Variants in CA8 observed in about 807,000 individuals in gnomAD.
The protein encoded by CA8 is carbonic anhydrase-related protein.
CA8 carries 22 observed loss-of-function variants against 41.4 expected under a neutral mutation model. That is an observed-to-expected ratio of 0.53 (90% CI 0.38 to 0.76). The LOEUF (loss-of-function observed/expected upper bound fraction) is 0.76. CA8 is among the 30% of genes least tolerant of loss of function. The pLI is 0.00. For synonymous variants in CA8, 121 were observed against 130.6 expected, an observed-to-expected ratio of 0.93 and a Z score of 0.50; for missense variants, 270 against 352.8, an observed-to-expected ratio of 0.77 and a Z score of 1.88.
Position 60,189,360 on chromosome 8 carries a change from CCATA to C in CA8, c.*657_*660del, listed in dbSNP as rs1011645247. The C allele has an allele frequency of 2.6e-5, 4 of 152,196 alleles. No individual in the cohort carries two copies. The highest frequency in any genetic ancestry group is 9.6e-5 in the African/African-American group (4 of 41,544). 9.4% of individuals were successfully genotyped at this position (152,196 alleles called of 1,614,324 possible). A position where few individuals can be genotyped will look rare whatever the true frequency, so the allele number is the denominator to read the frequency against. ...AATATGTCAAATAAATAAATTTGAT[CCATA>C]CATTCAGTTAAATCCTTCAACTATG... On this transcript the variant is annotated 3_prime_UTR_variant, in exon 9 of 9. Transcript: ENST00000317995.
rs374820726 is a variant in CA8 at position 60,234,757 on chromosome 8, C to T, written c.418-2378G>A. On this transcript the variant is annotated intron_variant, in intron 3 of 8. Coordinates refer to ENST00000317995, the MANE Select transcript of CA8 (RefSeq NM_004056.6). ...AATAACCACCTGAGTCTTGGCGGTT[C>T]CAGGGCAGAAGAGATTCTCCCTCCC... is the stretch of plus-strand genomic sequence containing the variant. Among the ~76,000 whole-genome samples the T allele has an allele frequency of 1.5e-3, 222 of 152,212 alleles. 1 individual carries two copies. Among genetic ancestry groups the T allele is most frequent in the Non-Finnish European group, 2.1e-3 (142 of 68,010 alleles).
intron 7 of CA8, among the ~76,000 whole-genome samples, chr8:60,218,186 C>G (rs1807090747): frequency 1.3e-5 from 2 of 152,232 alleles, no homozygotes; most frequent in South Asian, 4.1e-4. Flanking sequence ...GACAACACCT[C>G]TTGACCTGGC....
intron 3 of CA8, among the ~76,000 whole-genome samples, chr8:60,256,608 A>G (rs539287139): frequency 5.3e-5 from 8 of 152,336 alleles, no homozygotes; most frequent in Admixed American, 2.6e-4. Flanking sequence ...AACAAAAAAA[A>G]GCAAAACATA....
intron 3 of CA8, among the ~76,000 whole-genome samples, chr8:60,243,206 C>T (rs1458615604): frequency 3.9e-5 from 6 of 152,142 alleles, no homozygotes; most frequent in Non-Finnish European, 8.8e-5. Context: ...AGGTCACCTG[C>T]CTCCCAGAGA....
chr8:60,247,869 C>A (rs894613500), intron 3 of CA8, among the ~76,000 whole-genome samples: 6 of 152,222 alleles, frequency 3.9e-5, no homozygotes, highest in Non-Finnish European at 8.8e-5. Flanking sequence ...ACATTCACAA[C>A]AACAGCATAA....
intron 3 of CA8, among the ~76,000 whole-genome samples, chr8:60,247,699 T>C (rs951290573): frequency 6.6e-5 from 10 of 152,202 alleles, no homozygotes; most frequent in Non-Finnish European, 1.5e-4. Context: ...CATTGTGAAT[T>C]GCACTGTAAT....
chr8:60,225,012 A>G (rs1355107620), intron 5 of CA8, among the ~76,000 whole-genome samples: 1 of 151,880 alleles, frequency 6.6e-6, no homozygotes, highest in Non-Finnish European at 1.5e-5. Context: ...CATTACAACC[A>G]GGCTTGCAAC....
At chr8:60,270,179 G>A (rs1160401925) in intron 2 of CA8, among the ~76,000 whole-genome samples, 1 of 152,200 alleles carries the variant, frequency 6.6e-6, no homozygotes, top group African/African-American at 2.4e-5. Context: ...GATCATATCT[G>A]CAATTTAAAG....
Position 60,205,171 on chromosome 8 carries a change from G to A in CA8, c.*35+3579C>T, listed in dbSNP as rs184781290. On this transcript the variant is annotated intron_variant, in intron 8 of 8. Transcript: ENST00000317995. ...TTTCTGGCTTTGTTTCTTTTTTAAC[G>A]TATTTAGGGCATTCTTATTTTTCCA... Among the ~76,000 whole-genome samples the A allele has an allele frequency of 1.6e-3, 244 of 152,116 alleles. 1 individual carries two copies. The highest frequency in any genetic ancestry group is 2.9e-3 in the Non-Finnish European group (194 of 67,970).
intron 7 of CA8, among the ~76,000 whole-genome samples, chr8:60,217,953 C>A (rs1807079692): frequency 6.6e-6 from 1 of 152,214 alleles, no homozygotes; most frequent in African/African-American, 2.4e-5. Context: ...CTCCTTACAA[C>A]ATTTCTGTGA....
At chr8:60,195,035 AC>A (rs1252072413) in intron 8 of CA8, among the ~76,000 whole-genome samples, 1 of 152,190 alleles carries the variant, frequency 6.6e-6, no homozygotes, top group Non-Finnish European at 1.5e-5. Flanking sequence ...ATTTGGTAAA[AC>A]CACCTAAAGA....
Position 60,226,873 on chromosome 8 carries a change from C to T in CA8, c.576G>A (p.Lys192=). 6.4e-7 allele frequency: 1 copy of T among 1,563,328 alleles called. No individual in the cohort carries two copies. The highest frequency in any genetic ancestry group is 1.4e-5 in the African/African-American group (1 of 73,964). The change falls in exon 5 of 9, where the codon AAG becomes AAA. Residue 192 remains lysine (K), a splice_region_variant and synonymous_variant. Transcript: ENST00000317995. ...TATATTATTTTAAATAATGACTTAC[C>T]TTATACTGAATATCTTGGAGGATTT... The part of the protein sequence containing the change: ...VTEILQDIQY[K]GKSKTIPCFN...
chr8:60,238,251 A>C (rs1807900437), intron 3 of CA8, among the ~76,000 whole-genome samples: 1 of 152,222 alleles, frequency 6.6e-6, no homozygotes, highest in African/African-American at 2.4e-5. Context: ...AGCTATCTTC[A>C]CGACAAATGA....
chr8:60,206,004 A>C (rs1301068785), intron 8 of CA8, among the ~76,000 whole-genome samples: 1 of 152,252 alleles, frequency 6.6e-6, no homozygotes, highest in Non-Finnish European at 1.5e-5. Flanking sequence ...ATATCAAATA[A>C]AAAGTACACA....
intron 3 of CA8, among the ~76,000 whole-genome samples, chr8:60,234,444 T>G (rs1404207870): frequency 6.6e-6 from 1 of 152,236 alleles, no homozygotes; most frequent in Non-Finnish European, 1.5e-5. Context: ...TTGTAACAAA[T>G]GTAACCATGC....
intron 8 of CA8, among the ~76,000 whole-genome samples, chr8:60,198,718 G>A (rs1806345649): frequency 6.6e-6 from 1 of 152,074 alleles, no homozygotes; most frequent in Admixed American, 6.6e-5. Flanking sequence ...GTTGAATTGG[G>A]ATTTGGGCAA....
At chr8:60,269,627 C>A (rs901700814) in intron 2 of CA8, among the ~76,000 whole-genome samples, 3 of 152,164 alleles carry the variant, frequency 2.0e-5, no homozygotes, top group African/African-American at 7.2e-5. Context: ...TTCTACAATC[C>A]TTTGCTGAAA....
At chr8:60,237,798 G>A (rs1352411337) in intron 3 of CA8, among the ~76,000 whole-genome samples, 1 of 152,222 alleles carries the variant, frequency 6.6e-6, no homozygotes, top group Non-Finnish European at 1.5e-5. Context: ...CCTCAGGGTA[G>A]AAGAAAGTGG....
At chr8:60,218,669 C>A (rs1585865173) in intron 7 of CA8, among the ~76,000 whole-genome samples, 1 of 152,058 alleles carries the variant, frequency 6.6e-6, no homozygotes, top group East Asian at 1.9e-4. Flanking sequence ...GTATGTTAAG[C>A]CTTGGGGCTT....
Sources: allele counts gnomAD v4.1 joint callset (sites outside exome capture counted in the v4.1 genomes callset), GRCh38; gene constraint gnomAD v4.1.1; transcripts MANE v1.5; gene names NCBI Gene and HGNC (gene_info 2026-07-23, HGNC 2026-07-21).